PCDH19: variants seen among roughly 807,000 people sequenced by gnomAD.
PCDH19 encodes the protein protocadherin 19.
In PCDH19, 6 loss-of-function variants were observed where a neutral mutation model predicts 46.2. The ratio of observed to expected loss-of-function variants is 0.13; its 90% CI spans 0.07 to 0.26. The LOEUF (loss-of-function observed/expected upper bound fraction) is 0.26, where lower values mean the gene tolerates loss of function less well. Ranked by LOEUF, PCDH19 falls within the 10% of genes least tolerant of loss-of-function variation. The pLI is 1.00. For synonymous variants in PCDH19, 481 were observed against 415.7 expected, an observed-to-expected ratio of 1.16 and a Z score of -1.91; for missense variants, 740 against 972.3, an observed-to-expected ratio of 0.76 and a Z score of 3.18.
At chrX:100,327,622 A>G (rs1925737321) in intron 5 of PCDH19, among the ~76,000 whole-genome samples, 1 of 112,164 alleles carries the variant, frequency 8.9e-6, no homozygotes, top group Non-Finnish European at 1.9e-5. Context: ...TACATATAAA[A>G]GGAAATCTGG....
chrX:100,403,516 C>A lies in PCDH19; in HGVS notation c.2288+8G>T. 8.3e-7 allele frequency: 1 copy of A among 1,207,624 alleles called. No individual in the cohort carries two copies. Among genetic ancestry groups the A allele is most frequent in the Non-Finnish European group, 1.1e-6 (1 of 894,031 alleles). On this transcript the variant is annotated splice_region_variant and intron_variant, in intron 2 of 5. Coordinates refer to ENST00000373034, the MANE Select transcript of PCDH19 (RefSeq NM_001184880.2). ...AACCCATTTAAATGAGGGGAAATGC[C>A]TTTTTACCTCTTTCCCCTTAGGCTC...
At chrX:100,304,525 C>T (rs1017871011) in intron 5 of PCDH19, among the ~76,000 whole-genome samples, 4 of 111,425 alleles carry the variant, frequency 3.6e-5, no homozygotes, top group Non-Finnish European at 7.5e-5. Context: ...TTTAACACCC[C>T]CAAAAGATTA....
chrX:100,315,791 C>A (rs1925282442), intron 5 of PCDH19, among the ~76,000 whole-genome samples: 1 of 112,316 alleles, frequency 8.9e-6, no homozygotes, highest in South Asian at 3.7e-4. Context: ...AGACAAGCAT[C>A]CACGAGCTAA....
chrX:100,353,911 C>G (rs184460141), intron 3 of PCDH19, among the ~76,000 whole-genome samples: 2 of 111,465 alleles, frequency 1.8e-5, no homozygotes, highest in Non-Finnish European at 3.8e-5. Flanking sequence ...TTCCTAGAAC[C>G]GATTTTCCCA....
At position 100,410,266 on chromosome X, in the gene PCDH19, A is replaced by G. The variant is rs897585231; in HGVS notation, c.-1669T>C. 3.4e-6 allele frequency: 1 copy of G among 296,012 alleles called. No homozygotes were observed. Among genetic ancestry groups the G allele is most frequent in the Non-Finnish European group, 5.9e-6 (1 of 170,035 alleles). 24.4% of individuals were successfully genotyped at this position (296,012 alleles called of 1,213,427 possible). ...CTGCTGCTGCTCCTCCGGATGCCGC[A>G]AACTACTGGCCGCGGAGTCTGGAGA... On this transcript the variant is annotated 5_prime_UTR_variant, in exon 1 of 6. Coordinates refer to ENST00000373034, the MANE Select transcript of PCDH19 (RefSeq NM_001184880.2).
chrX:100,389,603 G>A (rs1367220181), intron 3 of PCDH19, among the ~76,000 whole-genome samples: 1 of 111,097 alleles, frequency 9.0e-6, no homozygotes, highest in Non-Finnish European at 1.9e-5. Context: ...TTTGATGGTG[G>A]CAATCATTTC....
intron 4 of PCDH19, among the ~76,000 whole-genome samples, chrX:100,349,580 T>C (rs1475158827): frequency 8.9e-6 from 1 of 112,372 alleles, no homozygotes; most frequent in Non-Finnish European, 1.9e-5. Flanking sequence ...TCTACTCTTC[T>C]GGTGATGTAA....
rs754570811 is a variant in PCDH19, at chrX:100,342,057, G to A, written c.2694C>T (p.Asp898=). The A allele has an allele frequency of 4.1e-6, 5 of 1,209,049 alleles. No homozygotes were observed. The highest frequency in any genetic ancestry group is 4.5e-6 in the Non-Finnish European group (4 of 893,145). Reference sequence around the variant, plus strand: ...TATCCTTCAGGCTGTTGCCCTCTAAGTCCTTGAAGGTGGAGCTGCTGGGTT... The same window carrying A: ...TATCCTTCAGGCTGTTGCCCTCTAAATCCTTGAAGGTGGAGCTGCTGGGTT... ...HLIKSSSTFK[D]LEGNSLKDSG... Residue 898 remains aspartate, a synonymous_variant, in exon 5 of 6, where the codon GAC becomes GAT. Coordinates refer to ENST00000373034, the MANE Select transcript of PCDH19 (RefSeq NM_001184880.2).
At position 100,291,861 on chromosome X, in the gene PCDH19, GA is replaced by G. The variant is rs1238042285; in HGVS notation, c.*4415del. 3 of 112,579 alleles carry G rather than the reference GA, an allele frequency of 2.7e-5. No individual in the cohort carries two copies. The highest frequency in any genetic ancestry group is 9.7e-5 in the African/African-American group (3 of 30,897). 9.3% of individuals were successfully genotyped at this position (112,579 alleles called of 1,213,427 possible). On this transcript the variant is annotated 3_prime_UTR_variant, in exon 6 of 6. Coordinates refer to ENST00000373034, the MANE Select transcript of PCDH19 (RefSeq NM_001184880.2). ...TTTTTGTCTTTTTTCTTTTTACAAT[GA>G]TTCAATCACTGTGAAAATGTACATA...
intron 1 of PCDH19, among the ~76,000 whole-genome samples, chrX:100,406,199 T>C (rs964196813): frequency 8.0e-5 from 9 of 111,970 alleles, no homozygotes; most frequent in African/African-American, 2.0e-4. Context: ...TTTAAAATGA[T>C]AATTGCGTTT....
At chrX:100,333,141 GGAA>G (rs1179425628) in intron 5 of PCDH19, among the ~76,000 whole-genome samples, 5 of 44,062 alleles carry the variant, frequency 1.1e-4, no homozygotes, top group East Asian at 5.8e-4. Flanking sequence ...AAGGAAGGAA[GGAA>G]GGAAGGAAGG....
At chrX:100,343,820 A>C (rs982816896) in intron 4 of PCDH19, among the ~76,000 whole-genome samples, 1 of 111,890 alleles carries the variant, frequency 8.9e-6, no homozygotes, top group African/African-American at 3.3e-5. Flanking sequence ...TGCCTCTGAG[A>C]AAAGAGCCCT....
At position 100,350,718 on chromosome X, in the gene PCDH19, A is replaced by G. The variant is rs1926544543; in HGVS notation, c.2617-14T>C. 1.9e-6 allele frequency: 2 copies of G among 1,059,175 alleles called. No homozygotes were observed. Among genetic ancestry groups the G allele is most frequent in the Non-Finnish European group, 2.6e-6 (2 of 758,259 alleles). 87.3% of individuals were successfully genotyped at this position (1,059,175 alleles called of 1,213,427 possible). On this transcript the variant is annotated splice_polypyrimidine_tract_variant and intron_variant, in intron 3 of 5. Transcript: ENST00000373034. Reference sequence around the variant, plus strand: ...ATAGTTTTCAGTCTGCAATGAGAAGAAAAAATTAAAAAGGTTACACAGATG... The same window carrying G: ...ATAGTTTTCAGTCTGCAATGAGAAGGAAAAATTAAAAAGGTTACACAGATG...
At chrX:100,381,266 C>G (rs1242162357) in intron 3 of PCDH19, among the ~76,000 whole-genome samples, 1 of 111,940 alleles carries the variant, frequency 8.9e-6, no homozygotes, top group African/African-American at 3.2e-5. Context: ...TCTTGGCTTA[C>G]TTGAATTTCA....
At chrX:100,322,865 A>ATATATATT in intron 5 of PCDH19, among the ~76,000 whole-genome samples, 11 of 54,410 alleles carry the variant, frequency 2.0e-4, no homozygotes, top group Middle Eastern at 0.026. Context: ...ATATATATAT[A>ATATATATT]TTTTTGCAGC....
intron 5 of PCDH19, among the ~76,000 whole-genome samples, chrX:100,312,478 C>T (rs1418433074): frequency 8.9e-6 from 1 of 111,824 alleles, no homozygotes; most frequent in Non-Finnish European, 1.9e-5. Context: ...TTGCTCTTTT[C>T]TTTAAAATTT....
chrX:100,407,005 G>T lies in PCDH19; in HGVS notation c.1593C>A (p.Phe531Leu), dbSNP rs375382056. Reference protein sequence around the residue: ...FNHEQTKAFEFKVLAKDGGLP... With the variant: ...FNHEQTKAFELKVLAKDGGLP... ...GGCCGCCGTCCTTGGCCAGCACCTT[G>T]AATTCGAACGCCTTGGTCTGCTCGT... The change falls in exon 1 of 6, where the codon TTC becomes TTA. Residue 531 changes from phenylalanine to leucine, a missense_variant. Phe to Leu is a conservative substitution (Grantham distance 22, BLOSUM62 0). Around this residue, in one of 5 missense-constraint regions of PCDH19, gnomAD observed 186 missense variants for 319.9 expected, o/e 0.58. Coordinates refer to ENST00000373034, the MANE Select transcript of PCDH19 (RefSeq NM_001184880.2). The T allele has an allele frequency of 2.5e-6, 3 of 1,211,871 alleles. No individual in the cohort carries two copies. The highest frequency in any genetic ancestry group is 3.3e-6 in the Non-Finnish European group (3 of 895,560).
Position 100,408,934 on chromosome X carries a change from G to T in PCDH19, c.-337C>A, listed in dbSNP as rs1928504109. 2 of 113,013 alleles carry T rather than the reference G, an allele frequency of 1.8e-5. No individual in the cohort carries two copies. Among genetic ancestry groups the T allele is most frequent in the South Asian group, 3.6e-4 (1 of 2,756 alleles). 9.3% of individuals were successfully genotyped at this position (113,013 alleles called of 1,213,427 possible). On this transcript the variant is annotated 5_prime_UTR_variant, in exon 1 of 6. Transcript: ENST00000373034. ...TAGCCGGGCGCGACTGTCGGCAGCC[G>T]CCCAGGGCTGCGGGTCGGGCGGCGT...
At chrX:100,357,104 C>A (rs762728446) in intron 3 of PCDH19, among the ~76,000 whole-genome samples, 4 of 111,529 alleles carry the variant, frequency 3.6e-5, no homozygotes, top group East Asian at 5.7e-4. Flanking sequence ...AAGGAGCTCA[C>A]AAACTAATGG....
Sources: allele counts gnomAD v4.1 joint callset (sites outside exome capture counted in the v4.1 genomes callset), GRCh38; gene constraint gnomAD v4.1.1; regional missense constraint gnomAD v4.1.1; transcripts MANE v1.5; gene names NCBI Gene and HGNC (gene_info 2026-07-23, HGNC 2026-07-21).